Variants in KCNAB1 observed in about 807,000 individuals in gnomAD.
KCNAB1 encodes voltage-gated potassium channel subunit beta-1.
A neutral mutation model predicts 64.6 loss-of-function variants in KCNAB1; 35 were observed. That is an observed-to-expected ratio of 0.54 (90% CI 0.41 to 0.72). KCNAB1 has a LOEUF of 0.72. KCNAB1 is among the 30% of genes least tolerant of loss of function. The probability of loss-of-function intolerance (pLI) is 0.00; values close to 1 mark genes in which losing one functional copy is unlikely to be tolerated. For missense variants in KCNAB1, 401 were observed against 512.9 expected (o/e 0.78, Z 2.11); for synonymous variants, 177 against 183.8 (o/e 0.96, Z 0.30).
intron 1 of KCNAB1, among the ~76,000 whole-genome samples, chr3:156,277,500 G>T (rs537797609): frequency 1.7e-4 from 26 of 152,086 alleles, no homozygotes; most frequent in Non-Finnish European, 3.4e-4. Flanking sequence ...GCCTGTATTT[G>T]TTCTTCTGTT....
intron 1 of KCNAB1, among the ~76,000 whole-genome samples, chr3:156,177,666 T>C (rs979690350): frequency 1.7e-4 from 26 of 148,802 alleles, no homozygotes; most frequent in Admixed American, 6.7e-4. Flanking sequence ...CGTGAGCCAC[T>C]GCGCCCGGCC....
intron 1 of KCNAB1, among the ~76,000 whole-genome samples, chr3:156,346,205 T>G (rs1032892101): frequency 6.6e-6 from 1 of 152,064 alleles, no homozygotes; most frequent in Non-Finnish European, 1.5e-5. Context: ...AATCTCTTCT[T>G]GCAGACACCT....
At chr3:156,479,633 T>C (rs1230385924) in intron 8 of KCNAB1, among the ~76,000 whole-genome samples, 11 of 152,172 alleles carry the variant, frequency 7.2e-5, no homozygotes, top group Non-Finnish European at 1.5e-4. Context: ...AATTAAATTT[T>C]AGTTAGTTTT....
intron 1 of KCNAB1, among the ~76,000 whole-genome samples, chr3:156,188,353 T>C (rs74978853): frequency 0.017 from 2,589 of 152,208 alleles, 46 homozygotes; most frequent in South Asian, 0.03. Flanking sequence ...TTGGTATATT[T>C]ACCATAAATA....
Position 156,536,962 on chromosome 3 carries a change from C to T in KCNAB1, c.*215C>T. 1 of 592,928 alleles carries T rather than the reference C, an allele frequency of 1.7e-6. No homozygotes were observed. The highest frequency in any genetic ancestry group is 3.1e-5 in the Admixed American group (1 of 32,436). The allele number at this position is 592,928 out of a possible 1,614,324, so 36.7% of individuals were successfully genotyped here. On this transcript the variant is annotated 3_prime_UTR_variant, in exon 14 of 14. Transcript: ENST00000490337. Reference sequence around the variant, plus strand: ...ATCCATTCTATTTTCTTATCTTGGACTGGAGTCACCTATTCTTGCATTGCT... The same window carrying T: ...ATCCATTCTATTTTCTTATCTTGGATTGGAGTCACCTATTCTTGCATTGCT...
chr3:156,474,550 G>A, intron 7 of KCNAB1, 184 bp from the exon 8 acceptor site: 1 of 430,156 alleles, frequency 2.3e-6, no homozygotes, highest in Admixed American at 3.8e-5. Context: ...TTTATTGGGG[G>A]AAGTCAGCCT....
intron 1 of KCNAB1, among the ~76,000 whole-genome samples, chr3:156,193,159 ACT>A (rs983972499): frequency 2.6e-5 from 4 of 151,472 alleles, no homozygotes; most frequent in Non-Finnish European, 5.9e-5. Context: ...ATTAGTTATA[ACT>A]CTATTTTGTT....
chr3:156,537,019 A>G lies in KCNAB1; in HGVS notation c.*272A>G, dbSNP rs1334774712. On this transcript the variant is annotated 3_prime_UTR_variant, in exon 14 of 14. Coordinates refer to ENST00000490337, the MANE Select transcript of KCNAB1 (RefSeq NM_172160.3). ...ACCTCATGCTTATGCAATGGGAAGA[A>G]TATGGGGGCCAGGGGGTGTGGTACT... 6 of 476,076 alleles carry G rather than the reference A, an allele frequency of 1.3e-5. No homozygotes were observed. In the South Asian group the frequency reaches 2.4e-4, roughly 19 times the overall value. 29.5% of individuals were successfully genotyped at this position (476,076 alleles called of 1,614,324 possible). A position where few individuals can be genotyped will look rare whatever the true frequency, so the allele number is the denominator to read the frequency against.
intron 1 of KCNAB1, among the ~76,000 whole-genome samples, chr3:156,174,957 T>C (rs531779503): frequency 4.6e-5 from 7 of 152,316 alleles, no homozygotes; most frequent in African/African-American, 1.7e-4. Context: ...CAGGGAAACA[T>C]GGTGTTTCTC....
chr3:156,262,778 T>C (rs74859444), intron 1 of KCNAB1, among the ~76,000 whole-genome samples: 1 of 152,034 alleles, frequency 6.6e-6, no homozygotes, highest in East Asian at 1.9e-4. Context: ...GAAAACTCAC[T>C]GGTGAATTCT....
rs79620859 is a variant in KCNAB1 at position 156,377,544 on chromosome 3, T to C, written c.276-44072T>C. ...GGAAATCCAGGCTGGTGGACTGTAT[T>C]GTGTGTGAGGTGAAGGCCTGACTTG... On this transcript the variant is annotated intron_variant, in intron 1 of 13. Coordinates refer to ENST00000490337, the MANE Select transcript of KCNAB1 (RefSeq NM_172160.3). 7.8e-3 allele frequency among the ~76,000 whole-genome samples: 1,191 copies of C among 152,228 alleles called. 19 individuals carry two copies. The highest frequency in any genetic ancestry group is 0.027 in the African/African-American group (1,133 of 41,530).
At chr3:156,144,149 C>T (rs2108284242) in intron 1 of KCNAB1, among the ~76,000 whole-genome samples, 1 of 152,226 alleles carries the variant, frequency 6.6e-6, no homozygotes, top group South Asian at 2.1e-4. Context: ...TTACGTACGC[C>T]TGGAGTTTTA....
chr3:156,137,104 T>C (rs1045393131), intron 1 of KCNAB1, among the ~76,000 whole-genome samples: 9 of 152,096 alleles, frequency 5.9e-5, no homozygotes, highest in Non-Finnish European at 1.2e-4. Context: ...CAGGGGTTTG[T>C]TGTACAGGTT....
At chr3:156,208,001 A>G (rs1714769896) in intron 1 of KCNAB1, among the ~76,000 whole-genome samples, 1 of 152,186 alleles carries the variant, frequency 6.6e-6, no homozygotes, top group Non-Finnish European at 1.5e-5. Context: ...CTGAAATAAT[A>G]CAGACCAAGA....
intron 1 of KCNAB1, among the ~76,000 whole-genome samples, chr3:156,290,750 C>T (rs1720353173): frequency 6.6e-6 from 1 of 152,214 alleles, no homozygotes; most frequent in South Asian, 2.1e-4. Context: ...GCATCCCCCT[C>T]CTGAGTGGTG....
At chr3:156,363,735 CAA>C (rs762955713) in intron 1 of KCNAB1, among the ~76,000 whole-genome samples, 16 of 152,302 alleles carry the variant, frequency 1.1e-4, no homozygotes, top group Middle Eastern at 3.4e-3. Context: ...CTTGGCATCC[CAA>C]AGTGCCGGGA....
chr3:156,507,360 A>C (rs1037441479), intron 8 of KCNAB1, among the ~76,000 whole-genome samples: 1 of 152,212 alleles, frequency 6.6e-6, no homozygotes, highest in Non-Finnish European at 1.5e-5. Context: ...CCAAAAAAAA[A>C]CAATGTCTCC....
chr3:156,447,956 T>C (rs1711703366), intron 2 of KCNAB1, among the ~76,000 whole-genome samples: 1 of 152,174 alleles, frequency 6.6e-6, no homozygotes, highest in African/African-American at 2.4e-5. Flanking sequence ...TTTGAATGAG[T>C]ACGCAAGAAG....
At chr3:156,495,724 T>C (rs1294651031) in intron 8 of KCNAB1, among the ~76,000 whole-genome samples, 1 of 152,150 alleles carries the variant, frequency 6.6e-6, no homozygotes, top group African/African-American at 2.4e-5. Context: ...ATAACCCTAT[T>C]CTATCATATT....
Sources: gnomAD v4.1 joint callset for allele counts (sites outside exome capture counted in the v4.1 genomes callset) on GRCh38, gnomAD v4.1.1 for gene constraint, MANE v1.5 for transcripts, NCBI Gene and HGNC (gene_info 2026-07-23, HGNC 2026-07-21) for gene names.